Variants in GALNT7 observed in about 807,000 individuals in gnomAD.
GALNT7 encodes polypeptide N-acetylgalactosaminyltransferase 7, also known as N-acetylgalactosaminyltransferase 7.
Under a neutral mutation model 82.1 loss-of-function variants are expected in GALNT7, and 60 were observed. That is an observed-to-expected ratio of 0.73 (90% confidence interval 0.59 to 0.91). The LOEUF (loss-of-function observed/expected upper bound fraction) is 0.91. Among genes scored for constraint, GALNT7 ranks in the 40% least tolerant of loss-of-function variants. The probability of loss-of-function intolerance (pLI) is 0.00; values close to 1 mark genes in which losing one functional copy is unlikely to be tolerated. For missense variants in GALNT7, 660 were observed against 804.2 expected, an observed-to-expected ratio of 0.82 and a Z score of 2.17; for synonymous variants, 243 against 275.1, an observed-to-expected ratio of 0.88 and a Z score of 1.15.
chr4:173,287,380 G>C (rs1414257658), intron 2 of GALNT7, among the ~76,000 whole-genome samples: 1 of 152,256 alleles, frequency 6.6e-6, no homozygotes, highest in Non-Finnish European at 1.5e-5. Context: ...AATCTTGGAA[G>C]GCCTCTATAC....
chr4:173,288,242 C>T (rs1736402967), intron 2 of GALNT7, among the ~76,000 whole-genome samples: 1 of 139,216 alleles, frequency 7.2e-6, no homozygotes, highest in Admixed American at 7.2e-5. Context: ...GAGATCGCGC[C>T]ACTGCACTCC....
At chr4:173,186,938 A>G (rs1732478423) in intron 1 of GALNT7, among the ~76,000 whole-genome samples, 1 of 151,854 alleles carries the variant, frequency 6.6e-6, no homozygotes, top group East Asian at 1.9e-4. Flanking sequence ...CTAATTTTTT[A>G]ATATTTTTAG....
In GALNT7 at chr4:173,284,545, T is replaced by C. The variant is rs565031649; in HGVS notation, c.588-7563T>C. Among the ~76,000 whole-genome samples, 73 of 152,320 alleles carry C rather than the reference T, an allele frequency of 4.8e-4. 1 individual carries two copies. Among genetic ancestry groups the C allele is most frequent in the African/African-American group, 1.7e-3 (72 of 41,562 alleles). ...TAATCCTGTTTACCTCTCTTCAGCATGCTCCAGGGACCCTTTGTAGCACCC... is the reference window on the plus strand; with the variant it reads ...TAATCCTGTTTACCTCTCTTCAGCACGCTCCAGGGACCCTTTGTAGCACCC... On this transcript the variant is annotated intron_variant, in intron 2 of 11. Transcript: ENST00000265000.
At chr4:173,170,747 A>AC (rs752633594) in intron 1 of GALNT7, among the ~76,000 whole-genome samples, 28 of 152,160 alleles carry the variant, frequency 1.8e-4, no homozygotes, top group Non-Finnish European at 3.2e-4. Context: ...GAAATGTTTA[A>AC]CCCCCTATTT....
chr4:173,206,225 C>T (rs1418844937), intron 1 of GALNT7, among the ~76,000 whole-genome samples: 5 of 152,190 alleles, frequency 3.3e-5, no homozygotes, highest in Admixed American at 2.0e-4. Flanking sequence ...TCTCCTTCCC[C>T]CATACTGAGG....
chr4:173,304,602 T>G (rs1287135299), intron 8 of GALNT7, among the ~76,000 whole-genome samples: 1 of 152,030 alleles, frequency 6.6e-6, no homozygotes, highest in Non-Finnish European at 1.5e-5. Context: ...ATGTAATATA[T>G]TATAAATTGT....
At chr4:173,233,894 A>G (rs764647046) in intron 1 of GALNT7, among the ~76,000 whole-genome samples, 2 of 152,148 alleles carry the variant, frequency 1.3e-5, no homozygotes, top group African/African-American at 2.4e-5. Flanking sequence ...CTTCATCTCT[A>G]TTCATCCCTT....
chr4:173,173,347 A>T (rs1461157959), intron 1 of GALNT7, among the ~76,000 whole-genome samples: 1 of 152,116 alleles, frequency 6.6e-6, no homozygotes, highest in Non-Finnish European at 1.5e-5. Context: ...AATTAAATAA[A>T]TTATGTCCCA....
chr4:173,304,384 A>G (rs1412852701), intron 8 of GALNT7, among the ~76,000 whole-genome samples: 1 of 151,858 alleles, frequency 6.6e-6, no homozygotes, highest in Admixed American at 6.6e-5. Context: ...GGATGACAGA[A>G]CGAGACCCCA....
chr4:173,277,269 T>C (rs1735945994), intron 2 of GALNT7, among the ~76,000 whole-genome samples: 1 of 152,126 alleles, frequency 6.6e-6, no homozygotes, highest in Non-Finnish European at 1.5e-5. Flanking sequence ...GAACCCAAGG[T>C]CAGGAAGTAC....
At chr4:173,225,823 C>A (rs924387237) in intron 1 of GALNT7, among the ~76,000 whole-genome samples, 1 of 152,146 alleles carries the variant, frequency 6.6e-6, no homozygotes, top group Non-Finnish European at 1.5e-5. Flanking sequence ...CTCTGGGGAT[C>A]AATACCTTTG....
Position 173,295,541 on chromosome 4 carries a change from A to T in GALNT7, c.885+15A>T. The T allele has an allele frequency of 6.2e-7, 1 of 1,610,080 alleles. No individual in the cohort carries two copies. The highest frequency in any genetic ancestry group is 8.5e-7 in the Non-Finnish European group (1 of 1,177,244). ...AACTTGGACAGGTAGGAAGCATTTG[A>T]TATCTACAATGTCAACATTTTGGGT... On this transcript the variant is annotated intron_variant, in intron 4 of 11. Coordinates refer to ENST00000265000, the MANE Select transcript of GALNT7 (RefSeq NM_017423.3).
chr4:173,285,757 G>A (rs572244046), intron 2 of GALNT7, among the ~76,000 whole-genome samples: 5 of 152,246 alleles, frequency 3.3e-5, no homozygotes, highest in South Asian at 4.1e-4. Flanking sequence ...GCCCTTTTAC[G>A]AACAGGGGTA....
At chr4:173,317,612 G>A (rs1223765572) in intron 9 of GALNT7, 22 bp from the exon 10 acceptor site, 4 of 1,436,372 alleles carry the variant, frequency 2.8e-6, no homozygotes, top group Non-Finnish European at 3.9e-6. Flanking sequence ...CCTGCTTTTT[G>A]CGTCTTTATT....
At chr4:173,177,711 C>T (rs915210415) in intron 1 of GALNT7, among the ~76,000 whole-genome samples, 7 of 152,054 alleles carry the variant, frequency 4.6e-5, no homozygotes, top group African/African-American at 1.5e-4. Context: ...AAAGCTGAAA[C>T]GAGTGGCTGT....
intron 2 of GALNT7, among the ~76,000 whole-genome samples, chr4:173,251,325 T>C (rs1026472201): frequency 2.0e-5 from 3 of 152,228 alleles, no homozygotes; most frequent in Non-Finnish European, 4.4e-5. Flanking sequence ...AGCATTAGAA[T>C]TAAAATGACA....
intron 2 of GALNT7, among the ~76,000 whole-genome samples, chr4:173,270,241 GTAATTGC>G (rs1735674360): frequency 6.6e-6 from 1 of 152,228 alleles, no homozygotes; most frequent in East Asian, 1.9e-4. Context: ...AATAACCCTT[GTAATTGC>G]ATGTGCTCTC....
At position 173,323,344 on chromosome 4, in the gene GALNT7, G is replaced by C. The variant is rs1323204410; in HGVS notation, c.*1627G>C. The C allele has an allele frequency of 2.0e-5, 3 of 152,466 alleles. No homozygotes were observed. The highest frequency in any genetic ancestry group is 7.2e-5 in the African/African-American group (3 of 41,396). The allele number at this position is 152,466 out of a possible 1,614,324, so 9.4% of individuals were successfully genotyped here. A position where few individuals can be genotyped will look rare whatever the true frequency, so the allele number is the denominator to read the frequency against. The stretch of plus-strand genomic sequence containing the variant: ...GACTCAAAGTTAAACATCCTCAACA[G>C]AGTTTTATTTATAATTTTGAATTGT... On this transcript the variant is annotated 3_prime_UTR_variant, in exon 12 of 12. Coordinates refer to ENST00000265000, the MANE Select transcript of GALNT7 (RefSeq NM_017423.3).
intron 1 of GALNT7, among the ~76,000 whole-genome samples, chr4:173,226,189 C>G (rs146668016): frequency 9.1e-4 from 138 of 152,216 alleles, no homozygotes; most frequent in African/African-American, 3.1e-3. Flanking sequence ...AACAAATTTT[C>G]TTGATAAAGA....
Sources: allele counts gnomAD v4.1 joint callset (sites outside exome capture counted in the v4.1 genomes callset), GRCh38; gene constraint gnomAD v4.1.1; transcripts MANE v1.5; gene names NCBI Gene and HGNC (gene_info 2026-07-23, HGNC 2026-07-21).